The following GNA11 variants were observed in gnomAD, a reference collection of about 807,000 sequenced individuals.
GNA11 encodes G protein subunit alpha 11.
Under a neutral mutation model 38.2 loss-of-function variants are expected in GNA11, and 8 were observed. The ratio of observed to expected loss-of-function variants is 0.21; its 90% CI spans 0.12 to 0.38. GNA11 has a LOEUF of 0.38. Among genes scored for constraint, GNA11 ranks in the 10% least tolerant of loss-of-function variants. The pLI is 1.00. For missense variants in GNA11, 268 were observed against 516.3 expected (o/e 0.52, Z 4.66); for synonymous variants, 211 against 221.4 (o/e 0.95, Z 0.42).
chr19:3,097,796 G>A (rs1161188148), intron 1 of GNA11, among the ~76,000 whole-genome samples: 1 of 151,870 alleles, frequency 6.6e-6, no homozygotes, highest in Non-Finnish European at 1.5e-5. Flanking sequence ...GGTCTCCCCG[G>A]GGCCCTGTGC....
At chr19:3,115,911 G>A (rs1377574597) in intron 4 of GNA11, among the ~76,000 whole-genome samples, 9 of 144,840 alleles carry the variant, frequency 6.2e-5, no homozygotes, top group African/African-American at 2.4e-4. Context: ...GGCTGTCAGG[G>A]AAGAGGGGTC....
chr19:3,095,474 G>A (rs1294039579), intron 1 of GNA11, among the ~76,000 whole-genome samples: 2 of 151,556 alleles, frequency 1.3e-5, no homozygotes, highest in Non-Finnish European at 2.9e-5. Context: ...TCCAGGCAGA[G>A]CCCTGTACAC....
At position 3,118,963 on chromosome 19, in the gene GNA11, G is replaced by A. The variant is rs1913995254; in HGVS notation, c.645G>A (p.Lys215=). ...GGGGCCAGCGGTCGGAGCGGAGGAAGTGGATCCACTGCTTTGAGAACGTGA... is the reference window on the plus strand; with the variant it reads ...GGGGCCAGCGGTCGGAGCGGAGGAAATGGATCCACTGCTTTGAGAACGTGA... ...DVGGQRSERR[K]WIHCFENVTS... is the part of the protein sequence containing the mutation. Residue 215 remains lysine (K), a synonymous_variant, in exon 5 of 7, where the codon AAG becomes AAA. Coordinates refer to ENST00000078429, the MANE Select transcript of GNA11 (RefSeq NM_002067.5). The A allele has an allele frequency of 1.9e-6, 3 of 1,613,404 alleles. No individual in the cohort carries two copies. The East Asian group carries it at 6.7e-5, about 36-fold the overall frequency.
Position 3,120,717 on chromosome 19 carries a change from A to G in GNA11, c.890-272A>G, listed in dbSNP as rs1349365863. Among the ~76,000 whole-genome samples, 7 of 151,922 alleles carry G rather than the reference A, an allele frequency of 4.6e-5. No homozygotes were observed. On this transcript the variant is annotated intron_variant, in intron 6 of 6. Transcript: ENST00000078429. The surrounding 1 kb of genome is among the most constrained non-coding windows in gnomAD (Gnocchi z 5.9). ...GAGCTGAGTGGATAGAGGCCGGCAG[A>G]GGGCTGAGCAGAGGGAGCAGCGGTG...
chr19:3,097,573 G>T (rs370317180), intron 1 of GNA11, among the ~76,000 whole-genome samples: 1 of 152,340 alleles, frequency 6.6e-6, no homozygotes, highest in Middle Eastern at 3.4e-3. Context: ...AGAACGCCGC[G>T]TCTGCTCGCT....
In GNA11 at chr19:3,122,535, G is replaced by A. The variant is rs1232092063; in HGVS notation, c.*1356G>A. 3 of 232,754 alleles carry A rather than the reference G, an allele frequency of 1.3e-5. No homozygotes were observed. The highest frequency in any genetic ancestry group is 1.2e-4 in the East Asian group (2 of 16,528). 14.4% of individuals were successfully genotyped at this position (232,754 alleles called of 1,614,324 possible). A position where few individuals can be genotyped will look rare whatever the true frequency, so the allele number is the denominator to read the frequency against. On this transcript the variant is annotated 3_prime_UTR_variant, in exon 7 of 7. Coordinates refer to ENST00000078429, the MANE Select transcript of GNA11 (RefSeq NM_002067.5). This position sits in a 1 kb window ranked among gnomAD's most constrained non-coding sequence, Gnocchi z 7.7. ...TGAGGCACCGAGACTGGTTCTCCCC[G>A]AGAGACTCGGAAGGTGGGGAACGAG...
At chr19:3,105,540 C>T (rs1913619860) in intron 1 of GNA11, among the ~76,000 whole-genome samples, 1 of 152,142 alleles carries the variant, frequency 6.6e-6, no homozygotes, top group African/African-American at 2.4e-5. Context: ...CCTCCTGGAA[C>T]CATCAGTGCC....
In GNA11 at chr19:3,110,085, A is replaced by C. The variant is rs1384589316; in HGVS notation, c.137-64A>C. ...TGCAGCACGGCAGGGTCTGGGTAAG[A>C]GGGGGCAGCAGCACGAGAGTCAGGC... On this transcript the variant is annotated intron_variant, in intron 1 of 6. Coordinates refer to ENST00000078429, the MANE Select transcript of GNA11 (RefSeq NM_002067.5). The surrounding 1 kb of genome is among the most constrained non-coding windows in gnomAD (Gnocchi z 5.4). 1 of 1,347,088 alleles carries C rather than the reference A, an allele frequency of 7.4e-7. No individual in the cohort carries two copies. Among genetic ancestry groups the C allele is most frequent in the Non-Finnish European group, 1.0e-6 (1 of 972,922 alleles). 83.4% of individuals were successfully genotyped at this position (1,347,088 alleles called of 1,614,324 possible).
chr19:3,122,200 C>T lies in GNA11; in HGVS notation c.*1021C>T, dbSNP rs578157830. 6.9e-5 allele frequency: 16 copies of T among 233,114 alleles called. No homozygotes were observed. The East Asian group carries it at 7.8e-4, about 11-fold the overall frequency. The allele number at this position is 233,114 out of a possible 1,614,324, so 14.4% of individuals were successfully genotyped here. On this transcript the variant is annotated 3_prime_UTR_variant, in exon 7 of 7. Coordinates refer to ENST00000078429, the MANE Select transcript of GNA11 (RefSeq NM_002067.5). The surrounding 1 kb of genome is among the most constrained non-coding windows in gnomAD (Gnocchi z 7.7). Reference sequence around the variant, plus strand: ...TGTGATGTCACCAATTTGGAAACAGCGAGGGTGGGTGGGGACTTTTACAGA... The same window carrying T: ...TGTGATGTCACCAATTTGGAAACAGTGAGGGTGGGTGGGGACTTTTACAGA...
At chr19:3,100,863 G>C (rs1276122412) in intron 1 of GNA11, among the ~76,000 whole-genome samples, 1 of 152,180 alleles carries the variant, frequency 6.6e-6, no homozygotes, top group Non-Finnish European at 1.5e-5. Context: ...AGGCCAGTGC[G>C]GCAGACAGCG....
chr19:3,117,975 C>G (rs1327582843), intron 4 of GNA11: 2 of 152,250 alleles, frequency 1.3e-5, no homozygotes, highest in East Asian at 3.9e-4. Flanking sequence ...CTGGTGTCGG[C>G]ACACCCACTG....
At chr19:3,107,249 C>G (rs534260016) in intron 1 of GNA11, among the ~76,000 whole-genome samples, 60 of 152,154 alleles carry the variant, frequency 3.9e-4, no homozygotes, top group Non-Finnish European at 8.5e-4. Flanking sequence ...AAACAAAACA[C>G]AACCCCAAAC....
intron 1 of GNA11, among the ~76,000 whole-genome samples, chr19:3,103,550 T>TTTTTTTTTA: frequency 1.2e-5 from 1 of 85,618 alleles, no homozygotes; most frequent in Non-Finnish European, 2.3e-5. Context: ...TTTTTTTTTT[T>TTTTTTTTTA]GAGACAAGGT....
At chr19:3,114,589 C>T (rs1330704933) in intron 3 of GNA11, among the ~76,000 whole-genome samples, 25 of 152,192 alleles carry the variant, frequency 1.6e-4, no homozygotes, top group Non-Finnish European at 2.9e-4. Flanking sequence ...AGGCCTCTCT[C>T]GGGAAGTCCC....
At chr19:3,114,247 G>A (rs1261324040) in intron 3 of GNA11, among the ~76,000 whole-genome samples, 1 of 152,192 alleles carries the variant, frequency 6.6e-6, no homozygotes, top group East Asian at 1.9e-4. Context: ...GTCTGAGCAG[G>A]CACCCGGCCT....
At chr19:3,106,268 T>C (rs988105535) in intron 1 of GNA11, among the ~76,000 whole-genome samples, 3 of 152,138 alleles carry the variant, frequency 2.0e-5, no homozygotes, top group Non-Finnish European at 4.4e-5. Context: ...ATTCAGACAT[T>C]GGGTCCACTG....
At chr19:3,113,235 G>A (rs1913820356) in intron 2 of GNA11, 95 bp from the exon 3 acceptor site, 1 of 1,230,846 alleles carries the variant, frequency 8.1e-7, no homozygotes, top group Non-Finnish European at 1.2e-6. Flanking sequence ...ATGCCGCCCG[G>A]GCCAGCCGAG....
intron 3 of GNA11, among the ~76,000 whole-genome samples, chr19:3,114,243 G>A (rs991874920): frequency 1.3e-5 from 2 of 152,200 alleles, no homozygotes; most frequent in African/African-American, 4.8e-5. Flanking sequence ...AAAGGTCTGA[G>A]CAGGCACCCG....
At chr19:3,103,673 C>A (rs555551830) in intron 1 of GNA11, among the ~76,000 whole-genome samples, 1 of 151,316 alleles carries the variant, frequency 6.6e-6, no homozygotes, top group African/African-American at 2.4e-5. Flanking sequence ...TTACAAGCGC[C>A]CACTGCCACA....
Sources: gnomAD v4.1 joint callset for allele counts (sites outside exome capture counted in the v4.1 genomes callset) on GRCh38, gnomAD v4.1.1 for gene constraint, Gnocchi (gnomAD v3.1) non-coding constraint, MANE v1.5 for transcripts, NCBI Gene and HGNC (gene_info 2026-07-23, HGNC 2026-07-21) for gene names.